Variants in SOX6 observed in about 807,000 individuals in gnomAD.
The protein encoded by SOX6 is SRY-box transcription factor 6, also known as transcription factor SOX-6.
Under a neutral mutation model 97.8 loss-of-function variants are expected in SOX6, and 11 were observed. The ratio of observed to expected loss-of-function variants is 0.11; its 90% confidence interval spans 0.07 to 0.19. SOX6 has a LOEUF of 0.19. Among genes scored for constraint, SOX6 ranks in the 10% least tolerant of loss-of-function variants. SOX6 has a pLI of 1.00. For synonymous variants in SOX6, 360 were observed against 371.4 expected (o/e 0.97, Z 0.35); for missense variants, 810 against 1,039.5 (o/e 0.78, Z 3.04).
At position 16,111,915 on chromosome 11, in the gene SOX6, A is replaced by C; in HGVS notation, c.786T>G (p.Gly262=). The C allele has an allele frequency of 6.2e-7, 1 of 1,612,192 alleles. No homozygotes were observed. ...NLLQQQIQVQ[G]HMPPLMIPIF... ...TTGGGATCATGAGCGGAGGCATGTG[A>C]CCCTGAACCTGCTAAACAGAAGAGA... Residue 262 remains glycine (G), a synonymous_variant, in exon 7 of 16, where the codon GGT becomes GGG. Coordinates refer to ENST00000683767, the MANE Select transcript of SOX6 (RefSeq NM_001367873.1).
chr11:16,176,987 A>G (rs1400893314), intron 6 of SOX6, among the ~76,000 whole-genome samples: 1 of 151,922 alleles, frequency 6.6e-6, no homozygotes, highest in East Asian at 1.9e-4. Context: ...AAGGTTTTAT[A>G]TATCATAGAT....
At chr11:16,259,327 A>G (rs1853801009) in intron 3 of SOX6, among the ~76,000 whole-genome samples, 1 of 152,072 alleles carries the variant, frequency 6.6e-6, no homozygotes, top group Non-Finnish European at 1.5e-5. Context: ...CATACATTGG[A>G]AATCACAACA....
At chr11:16,235,107 CCAAT>C (rs749454909) in intron 3 of SOX6, among the ~76,000 whole-genome samples, 4 of 151,536 alleles carry the variant, frequency 2.6e-5, no homozygotes, top group Non-Finnish European at 5.9e-5. Context: ...AGAGAAGAGC[CCAAT>C]CAATCTGTAA....
At chr11:16,726,516 T>C (rs1399800348) in intron 2 of SOX6, among the ~76,000 whole-genome samples, 1 of 152,214 alleles carries the variant, frequency 6.6e-6, no homozygotes, top group Non-Finnish European at 1.5e-5. Context: ...TTATATAGTA[T>C]GTAAATTTTA....
chr11:16,066,518 T>A (rs753469346), intron 9 of SOX6, among the ~76,000 whole-genome samples: 1 of 152,190 alleles, frequency 6.6e-6, no homozygotes, highest in Non-Finnish European at 1.5e-5. Context: ...CATCAACAGA[T>A]GAATGAGTAA....
At chr11:16,692,890 A>G (rs564745392) in intron 3 of SOX6, among the ~76,000 whole-genome samples, 1 of 152,330 alleles carries the variant, frequency 6.6e-6, no homozygotes, top group South Asian at 2.1e-4. Context: ...ATCATAAGCC[A>G]CAATATTATG....
At chr11:15,984,368 C>T (rs374658055) in intron 15 of SOX6, among the ~76,000 whole-genome samples, 3 of 152,184 alleles carry the variant, frequency 2.0e-5, no homozygotes, top group South Asian at 2.1e-4. Flanking sequence ...TCCAGACTGG[C>T]GGAACAGCCC....
intron 1 of SOX6, among the ~76,000 whole-genome samples, chr11:16,388,996 T>G (rs1192779990): frequency 6.6e-6 from 1 of 152,212 alleles, no homozygotes; most frequent in Non-Finnish European, 1.5e-5. Context: ...GACTCATGTA[T>G]GTTAGACCTT....
chr11:16,380,708 T>C (rs961342378), intron 1 of SOX6, among the ~76,000 whole-genome samples: 13 of 152,136 alleles, frequency 8.5e-5, no homozygotes, highest in Non-Finnish European at 1.8e-4. Flanking sequence ...ACATGTCAAC[T>C]ATATCAAGTT....
At chr11:16,480,909 G>C (rs1429888769), upstream of SOX6, among the ~76,000 whole-genome samples, 1 of 152,000 alleles carries the variant, frequency 6.6e-6, no homozygotes. Context: ...ATTATACATA[G>C]TGAGCCACTG....
Position 16,014,997 on chromosome 11 carries a change from T to G in SOX6, c.1677A>C (p.Glu559Asp), listed in dbSNP as rs768447185. ...LGPQLTGKSN[E>D]DGKLGPGVID... is the part of the protein sequence containing the mutation. ...TGACACCTGGGCCCAGTTTTCCATC[T>G]TCATTTGACTTTCCCGTTAACTGGG... The change falls in exon 13 of 16, where the codon GAA (glutamate) becomes GAC (aspartate). Residue 559 changes from glutamate (E) to aspartate (D), a missense_variant. This residue lies in a region of SOX6 where 120 missense variants were observed against 127.0 expected (regional missense o/e 0.94). Coordinates refer to ENST00000683767, the MANE Select transcript of SOX6 (RefSeq NM_001367873.1). 6.2e-7 allele frequency: 1 copy of G among 1,612,988 alleles called. No individual in the cohort carries two copies. Among genetic ancestry groups the G allele is most frequent in the Admixed American group, 1.7e-5 (1 of 59,864 alleles).
chr11:16,431,598 T>G (rs777788432), intron 1 of SOX6, among the ~76,000 whole-genome samples: 2 of 151,842 alleles, frequency 1.3e-5, no homozygotes, highest in Non-Finnish European at 2.9e-5. Flanking sequence ...ATAAACTAGA[T>G]GAGGAAAAAT....
At chr11:16,052,771 A>T (rs1045937602) in intron 10 of SOX6, among the ~76,000 whole-genome samples, 1 of 152,126 alleles carries the variant, frequency 6.6e-6, no homozygotes, top group Non-Finnish European at 1.5e-5. Context: ...ACTTCTAAGC[A>T]TTTTTAGGCA....
intron 4 of SOX6, among the ~76,000 whole-genome samples, chr11:16,222,592 A>G (rs1852574979): frequency 6.6e-6 from 1 of 152,168 alleles, no homozygotes; most frequent in Non-Finnish European, 1.5e-5. Flanking sequence ...TTTCTACAGA[A>G]TAGATACAAA....
intron 3 of SOX6, among the ~76,000 whole-genome samples, chr11:16,260,638 T>C (rs1052083220): frequency 1.3e-5 from 2 of 152,310 alleles, no homozygotes; most frequent in Non-Finnish European, 1.5e-5. Flanking sequence ...GTCTACCTGC[T>C]CTAGCTAGAA....
intron 4 of SOX6, among the ~76,000 whole-genome samples, chr11:16,604,242 G>A (rs1046029878): frequency 3.9e-5 from 6 of 152,232 alleles, no homozygotes; most frequent in Admixed American, 2.6e-4. Context: ...GGCAGGGCAG[G>A]ACTTGCCAGG....
intron 12 of SOX6, among the ~76,000 whole-genome samples, chr11:16,028,382 A>G (rs1855267878): frequency 6.6e-6 from 1 of 152,184 alleles, no homozygotes; most frequent in South Asian, 2.1e-4. Context: ...TCTGTTCCCT[A>G]TGTAGTCAAT....
intron 4 of SOX6, among the ~76,000 whole-genome samples, chr11:16,534,708 T>C (rs1336617564): frequency 6.6e-6 from 1 of 152,082 alleles, no homozygotes; most frequent in Non-Finnish European, 1.5e-5. Context: ...AAGAACAAAC[T>C]GTCCTCCTGA....
At chr11:16,486,436 A>G (rs1276244804) in intron 4 of SOX6, among the ~76,000 whole-genome samples, 1 of 152,034 alleles carries the variant, frequency 6.6e-6, no homozygotes, top group Non-Finnish European at 1.5e-5. Context: ...GATTTCAGAG[A>G]TAACAACTTA....
Sources: gnomAD v4.1 joint callset for allele counts (sites outside exome capture counted in the v4.1 genomes callset) on GRCh38, gnomAD v4.1.1 for gene constraint, gnomAD v4.1.1 regional missense constraint, MANE v1.5 for transcripts, NCBI Gene and HGNC (gene_info 2026-07-23, HGNC 2026-07-21) for gene names.